The following NOS2 variants were observed in gnomAD, a reference collection of about 807,000 sequenced individuals.
NOS2 encodes nitric oxide synthase, inducible.
Under a neutral mutation model 136.0 loss-of-function variants are expected in NOS2, and 96 were observed. The ratio of observed to expected loss-of-function variants is 0.71; its 90% CI spans 0.60 to 0.84. The LOEUF (loss-of-function observed/expected upper bound fraction) is 0.84, where lower values mean the gene tolerates loss of function less well. Ranked by LOEUF, NOS2 falls within the 40% of genes least tolerant of loss-of-function variation. The pLI is 0.00. For missense variants in NOS2, 1,237 were observed against 1,496.9 expected (o/e 0.83, Z 2.87); for synonymous variants, 539 against 587.5 (o/e 0.92, Z 1.20).
Position 27,781,704 on chromosome 17 carries a change from C to T in NOS2, c.722+311G>A, listed in dbSNP as rs561403506. On this transcript the variant is annotated intron_variant, in intron 7 of 26. Coordinates refer to ENST00000313735, the MANE Select transcript of NOS2 (RefSeq NM_000625.4). The stretch of plus-strand genomic sequence containing the variant: ...AGAGGAAGGTAACCTCTTAATGTCC[C>T]ATGCCTTCTAAAAAATGGGAGCCCC... Among the ~76,000 whole-genome samples the T allele has an allele frequency of 1.3e-4, 20 of 152,296 alleles. No individual in the cohort carries two copies. In the South Asian group the frequency reaches 4.2e-3, roughly 32 times the overall value.
At chr17:27,787,073 C>T (rs1178624672) in intron 5 of NOS2, among the ~76,000 whole-genome samples, 1 of 152,140 alleles carries the variant, frequency 6.6e-6, no homozygotes, top group African/African-American at 2.4e-5. Context: ...TAGAACCCCA[C>T]CAGGGTCAGG....
intron 17 of NOS2, among the ~76,000 whole-genome samples, chr17:27,768,652 G>T (rs553597997): frequency 6.6e-6 from 1 of 152,358 alleles, no homozygotes; most frequent in East Asian, 1.9e-4. Context: ...ATGGCTGTGA[G>T]ACTGAAACAG....
chr17:27,765,770 C>G, intron 19 of NOS2, 54 bp from the exon 20 acceptor site: 4 of 1,512,482 alleles, frequency 2.6e-6, no homozygotes, highest in Non-Finnish European at 2.7e-6. Flanking sequence ...CTCCAGGGCT[C>G]CTTGATGGGC....
intron 13 of NOS2, 95 bp downstream of exon 13, chr17:27,773,066 T>C (rs996579218): frequency 2.1e-6 from 2 of 958,082 alleles, no homozygotes; most frequent in Non-Finnish European, 1.7e-6. Flanking sequence ...AACCATTCCT[T>C]GTGTTCTTGC....
At chr17:27,775,994 C>T (rs2151329728) in intron 11 of NOS2, among the ~76,000 whole-genome samples, 1 of 152,312 alleles carries the variant, frequency 6.6e-6, no homozygotes, top group African/African-American at 2.4e-5. Context: ...CAAGGAAAAT[C>T]AGTCATTTTC....
intron 20 of NOS2, among the ~76,000 whole-genome samples, 175 bp from the exon 21 acceptor site, chr17:27,764,319 T>C (rs566652654): frequency 1.3e-5 from 2 of 152,210 alleles, no homozygotes; most frequent in South Asian, 4.2e-4. Context: ...GAGAAAGGAC[T>C]GCCAGGGAAG....
chr17:27,764,896 A>G (rs548423350), intron 20 of NOS2, among the ~76,000 whole-genome samples: 1 of 152,290 alleles, frequency 6.6e-6, no homozygotes, highest in Admixed American at 6.5e-5. Flanking sequence ...CACAAGGGCA[A>G]CTGTCTTGTC....
At position 27,757,203 on chromosome 17, in the gene NOS2, C is replaced by T; in HGVS notation, c.*43G>A. 2.0e-6 allele frequency: 3 copies of T among 1,516,774 alleles called. No homozygotes were observed. The highest frequency in any genetic ancestry group is 3.4e-5 in the Admixed American group (2 of 58,268). 94.0% of individuals were successfully genotyped at this position (1,516,774 alleles called of 1,614,324 possible). On this transcript the variant is annotated 3_prime_UTR_variant, in exon 27 of 27. Coordinates refer to ENST00000313735, the MANE Select transcript of NOS2 (RefSeq NM_000625.4). ...TCAGATAATGCAGAGCTGGCTCCAT[C>T]CTTAAGTTCTGTGCCGGCAGCTTTA...
chr17:27,793,594 C>G, intron 2 of NOS2: 1 of 397,598 alleles, frequency 2.5e-6, no homozygotes, highest in Non-Finnish European at 4.4e-6. Flanking sequence ...GTACCTGGCT[C>G]TGCGCGGGCA....
rs1420429277 is a variant in NOS2 at position 27,780,853 on chromosome 17, G to A, written c.918C>T (p.Pro306=). ...CACGGCCATTGGCCTGCAGGACCAG[G>A]GGGACCACATCGAAGCGGCCGTACT... is the stretch of plus-strand genomic sequence containing the variant. The part of the protein sequence containing the change: ...KPKYGRFDVV[P]LVLQANGRDP... The change falls in exon 9 of 27, where the codon CCC becomes CCT. Residue 306 remains proline, a synonymous_variant. Transcript: ENST00000313735. 1 of 1,614,174 alleles carries A rather than the reference G, an allele frequency of 6.2e-7. No homozygotes were observed. The highest frequency in any genetic ancestry group is 1.1e-5 in the South Asian group (1 of 91,086).
At chr17:27,782,843 T>C in intron 6 of NOS2, 101 bp downstream of exon 6, 1 of 1,189,232 alleles carries the variant, frequency 8.4e-7, no homozygotes, top group African/African-American at 1.5e-5. Context: ...ATGGCTTCAG[T>C]CCCAGGAGGC....
intron 6 of NOS2, 100 bp downstream of exon 6, chr17:27,782,844 C>T: frequency 8.2e-7 from 1 of 1,220,048 alleles, no homozygotes. Context: ...TGGCTTCAGT[C>T]CCAGGAGGCC....
intron 11 of NOS2, among the ~76,000 whole-genome samples, chr17:27,776,155 G>A (rs1215684033): frequency 6.6e-6 from 1 of 152,258 alleles, no homozygotes; most frequent in Non-Finnish European, 1.5e-5. Context: ...AGGGGTGCAA[G>A]TTAGTTGAGT....
chr17:27,759,633 G>T (rs1216070350), intron 25 of NOS2, among the ~76,000 whole-genome samples: 1 of 152,152 alleles, frequency 6.6e-6, no homozygotes, highest in East Asian at 1.9e-4. Flanking sequence ...CCAGGCTCAG[G>T]GGGTAACGCG....
chr17:27,781,006 A>T, intron 8 of NOS2, 30 bp downstream of exon 8: 1 of 1,608,048 alleles, frequency 6.2e-7, no homozygotes. Context: ...CCCCGCCCCA[A>T]TGGCCGGTGG....
intron 14 of NOS2, among the ~76,000 whole-genome samples, chr17:27,771,787 G>C (rs939637844): frequency 6.6e-6 from 1 of 152,252 alleles, no homozygotes; most frequent in Non-Finnish European, 1.5e-5. Flanking sequence ...GTGTATGCTG[G>C]AGAGCTCCCC....
chr17:27,791,779 A>G (rs1031874498), intron 2 of NOS2, among the ~76,000 whole-genome samples: 1 of 131,698 alleles, frequency 7.6e-6, no homozygotes, highest in Non-Finnish European at 1.7e-5. Context: ...GAAAAAAACA[A>G]AACAAAACAA....
chr17:27,795,416 T>C (rs1909325698), intron 2 of NOS2, among the ~76,000 whole-genome samples: 1 of 152,238 alleles, frequency 6.6e-6, no homozygotes, highest in African/African-American at 2.4e-5. Context: ...TTATAAATGT[T>C]ATCTATTGTT....
chr17:27,781,314 C>T, intron 7 of NOS2, 137 bp from the exon 8 acceptor site: 1 of 976,748 alleles, frequency 1.0e-6, no homozygotes, highest in Non-Finnish European at 1.5e-6. Context: ...AGCCTCCTGA[C>T]ATGCCTTCTC....
Sources: allele counts gnomAD v4.1 joint callset (sites outside exome capture counted in the v4.1 genomes callset), GRCh38; gene constraint gnomAD v4.1.1; transcripts MANE v1.5; gene names NCBI Gene and HGNC (gene_info 2026-07-23, HGNC 2026-07-21).